Variants in SPOCK1 observed in about 807,000 individuals in gnomAD.
The protein encoded by SPOCK1 is SPARC (osteonectin), cwcv and kazal like domains proteoglycan 1, also known as testican-1.
A neutral mutation model predicts 55.3 loss-of-function variants in SPOCK1; 23 were observed. The observed-to-expected ratio is 0.42, with a 90% CI of 0.30 to 0.59. The LOEUF is 0.59. Ranked by LOEUF, SPOCK1 falls within the 20% of genes least tolerant of loss-of-function variation. The pLI is 0.22. For synonymous variants in SPOCK1, 226 were observed against 221.0 expected (o/e 1.02, Z -0.20); for missense variants, 499 against 552.5 (o/e 0.90, Z 0.97).
Position 137,244,827 on chromosome 5 carries a change from G to A in SPOCK1, c.232+22183C>T, listed in dbSNP as rs1456078797. 2.0e-5 allele frequency among the ~76,000 whole-genome samples: 3 copies of A among 152,282 alleles called. No individual in the cohort carries two copies. The East Asian group carries it at 5.8e-4, about 29-fold the overall frequency. On this transcript the variant is annotated intron_variant, in intron 3 of 10. Transcript: ENST00000394945. ...GATGCTCTCTGCCATGCCAGTTTCTGTCACCTTGGCCTAGTGCCCTCCAAC... is the reference window on the plus strand; with the variant it reads ...GATGCTCTCTGCCATGCCAGTTTCTATCACCTTGGCCTAGTGCCCTCCAAC...
chr5:137,171,628 G>A (rs1754756440), intron 3 of SPOCK1, among the ~76,000 whole-genome samples: 1 of 151,698 alleles, frequency 6.6e-6, no homozygotes, highest in Non-Finnish European at 1.5e-5. Context: ...TAGTTGTTGG[G>A]AAAAAAAATT....
intron 2 of SPOCK1, among the ~76,000 whole-genome samples, chr5:137,453,488 A>G (rs1456872084): frequency 6.6e-6 from 1 of 152,236 alleles, no homozygotes; most frequent in Non-Finnish European, 1.5e-5. Flanking sequence ...ATATCAAGGC[A>G]CTGAAAGCTA....
intron 3 of SPOCK1, among the ~76,000 whole-genome samples, chr5:137,222,592 T>C (rs1414223384): frequency 6.6e-6 from 1 of 152,178 alleles, no homozygotes; most frequent in Non-Finnish European, 1.5e-5. Context: ...CAACATTTGT[T>C]TGGCCTCTAC....
At position 137,410,783 on chromosome 5, in the gene SPOCK1, A is replaced by G. The variant is rs542561769; in HGVS notation, c.186+87590T>C. ...GACACCACCCAATGCACAGTCAGAG[A>G]CATCCCATGCACAAAGGAGACCTGC... On this transcript the variant is annotated intron_variant, in intron 2 of 10. Transcript: ENST00000394945. 3.3e-5 allele frequency among the ~76,000 whole-genome samples: 5 copies of G among 152,344 alleles called. No individual in the cohort carries two copies. The South Asian group carries it at 1.0e-3, about 32-fold the overall frequency.
chr5:137,252,578 CCT>C lies in SPOCK1; in HGVS notation c.232+14430_232+14431del, dbSNP rs375107071. Among the ~76,000 whole-genome samples, 150 of 152,326 alleles carry C rather than the reference CCT, an allele frequency of 9.8e-4. 1 individual carries two copies. Among genetic ancestry groups the C allele is most frequent in the Middle Eastern group, 6.8e-3 (2 of 294 alleles). On this transcript the variant is annotated intron_variant, in intron 3 of 10. Coordinates refer to ENST00000394945, the MANE Select transcript of SPOCK1 (RefSeq NM_004598.4). ...ATCCCTGCAGACAGAAACAGTTCTT[CCT>C]CTTTCTCTTCCAGGGCAGGCCAGCT...
chr5:137,095,314 T>C (rs1211165641), intron 5 of SPOCK1, among the ~76,000 whole-genome samples: 1 of 151,882 alleles, frequency 6.6e-6, no homozygotes, highest in Non-Finnish European at 1.5e-5. Flanking sequence ...ACTTGTTTAA[T>C]GTGGGTCTGC....
At chr5:137,002,988 A>C (rs1751179156) in intron 6 of SPOCK1, among the ~76,000 whole-genome samples, 1 of 152,210 alleles carries the variant, frequency 6.6e-6, no homozygotes, top group African/African-American at 2.4e-5. Flanking sequence ...ATACGCAGGG[A>C]GGACTTAGAG....
At chr5:137,339,336 A>C (rs547023785) in intron 2 of SPOCK1, among the ~76,000 whole-genome samples, 1 of 152,354 alleles carries the variant, frequency 6.6e-6, no homozygotes, top group East Asian at 1.9e-4. Flanking sequence ...TGGTCCATGG[A>C]TGGGCACATT....
intron 2 of SPOCK1, among the ~76,000 whole-genome samples, chr5:137,497,725 G>T (rs1358251908): frequency 6.6e-6 from 1 of 152,120 alleles, no homozygotes. Context: ...TGCCACCCAG[G>T]GTCCCTTTCA....
chr5:137,338,365 T>G (rs1290658790), intron 2 of SPOCK1, among the ~76,000 whole-genome samples: 1 of 152,162 alleles, frequency 6.6e-6, no homozygotes, highest in Non-Finnish European at 1.5e-5. Flanking sequence ...TTTTTATGGC[T>G]GCATAGTATT....
intron 4 of SPOCK1, 93 bp downstream of exon 4, chr5:137,140,487 C>T (rs1273871268): frequency 1.1e-5 from 11 of 1,028,806 alleles, no homozygotes; most frequent in African/African-American, 3.2e-5. Flanking sequence ...ATGCTCTCCC[C>T]TCCCCATATC....
intron 5 of SPOCK1, among the ~76,000 whole-genome samples, chr5:137,109,823 C>A (rs1753433550): frequency 6.6e-6 from 1 of 152,166 alleles, no homozygotes; most frequent in South Asian, 2.1e-4. Flanking sequence ...ATCACCATTC[C>A]CTATAAAACA....
At chr5:137,346,504 A>G (rs1308384534) in intron 2 of SPOCK1, among the ~76,000 whole-genome samples, 1 of 152,228 alleles carries the variant, frequency 6.6e-6, no homozygotes, top group Non-Finnish European at 1.5e-5. Flanking sequence ...CTTGATTAAC[A>G]TTGAGCTGTG....
At chr5:136,981,143 G>C (rs1348604873) in intron 9 of SPOCK1, among the ~76,000 whole-genome samples, 1 of 152,058 alleles carries the variant, frequency 6.6e-6, no homozygotes, top group Non-Finnish European at 1.5e-5. Context: ...TTAGAGAGTG[G>C]GGCTGAGCAG....
chr5:137,332,234 C>CA (rs1321706611), intron 2 of SPOCK1, among the ~76,000 whole-genome samples: 1 of 152,124 alleles, frequency 6.6e-6, no homozygotes, highest in African/African-American at 2.4e-5. Flanking sequence ...GCCCTCTTCA[C>CA]AAGACTGTGC....
intron 5 of SPOCK1, among the ~76,000 whole-genome samples, chr5:137,077,340 T>C (rs7726040): frequency 0.025 from 3,798 of 152,240 alleles, 75 homozygotes; most frequent in African/African-American, 0.054. Context: ...ACAGGAATCC[T>C]AGGAGGACAG....
intron 2 of SPOCK1, among the ~76,000 whole-genome samples, chr5:137,291,933 G>A (rs1360707692): frequency 6.6e-6 from 1 of 152,182 alleles, no homozygotes; most frequent in African/African-American, 2.4e-5. Context: ...AGAGAGAAAG[G>A]GTTCTCTCTC....
intron 2 of SPOCK1, among the ~76,000 whole-genome samples, chr5:137,417,369 A>G (rs566785316): frequency 6.7e-6 from 1 of 148,874 alleles, no homozygotes. Context: ...AAAAAAATCA[A>G]TTTTACTGAG....
chr5:137,097,370 G>A (rs17703411), intron 5 of SPOCK1, among the ~76,000 whole-genome samples: 14,193 of 152,274 alleles, frequency 0.093, 818 homozygotes, highest in East Asian at 0.22. Context: ...GTTGCTGCTC[G>A]CTTAGTCTTC....
Sources: gnomAD v4.1 joint callset for allele counts (sites outside exome capture counted in the v4.1 genomes callset) on GRCh38, gnomAD v4.1.1 for gene constraint, MANE v1.5 for transcripts, NCBI Gene and HGNC (gene_info 2026-07-23, HGNC 2026-07-21) for gene names.